Variants in EEF1AKMT1 observed in about 807,000 individuals in gnomAD.
EEF1AKMT1 encodes EEF1A lysine methyltransferase 1, also known as N-6 adenine-specific DNA methyltransferase 2 (putative).
Under a neutral mutation model 21.0 loss-of-function variants are expected in EEF1AKMT1, and 18 were observed. The ratio of observed to expected loss-of-function variants is 0.86; its 90% CI spans 0.59 to 1.27. The LOEUF (loss-of-function observed/expected upper bound fraction) is 1.27, where lower values mean the gene tolerates loss of function less well. Ranked by LOEUF, EEF1AKMT1 falls within the 50% of genes most tolerant of loss-of-function variation. The pLI is 0.00. For synonymous variants in EEF1AKMT1, 109 were observed against 94.8 expected (o/e 1.15, Z -0.87); for missense variants, 246 against 258.6 (o/e 0.95, Z 0.33).
intron 1 of EEF1AKMT1, among the ~76,000 whole-genome samples, chr13:20,764,780 C>A (rs1324146795): frequency 6.6e-6 from 1 of 151,628 alleles, no homozygotes; most frequent in Non-Finnish European, 1.5e-5. Flanking sequence ...CTAGTGACTT[C>A]TTTACTCTTA....
intron 1 of EEF1AKMT1, among the ~76,000 whole-genome samples, chr13:20,761,146 C>T (rs551234041): frequency 5.1e-4 from 77 of 152,174 alleles, no homozygotes; most frequent in Non-Finnish European, 9.4e-4. Flanking sequence ...AATGATATCA[C>T]GTGTAGATTC....
chr13:20,748,880 C>A (rs1297866641), intron 2 of EEF1AKMT1, among the ~76,000 whole-genome samples: 1 of 151,930 alleles, frequency 6.6e-6, no homozygotes, highest in Non-Finnish European at 1.5e-5. Context: ...CAGGCACGCG[C>A]CACCATACCT....
chr13:20,771,331 T>C (rs2059061917), intron 1 of EEF1AKMT1, among the ~76,000 whole-genome samples: 1 of 152,200 alleles, frequency 6.6e-6, no homozygotes, highest in Admixed American at 6.5e-5. Context: ...AGCAATTTAA[T>C]AAAATTGTCG....
rs750125960 is a variant in EEF1AKMT1 at position 20,731,844 on chromosome 13, T to A, written c.505A>T (p.Thr169Ser). ...YLTRGKILLC[T>S]GAIMEEQAAE... ...AGATATGAAATGCAGCACCTACCTG[T>A]GCACAGCAGAATCTTGCCCCGCGTC... Residue 169 changes from threonine to serine, a missense_variant, in exon 4 of 5, where the codon ACA becomes TCA. By Grantham distance (58) the Thr-to-Ser change is moderately conservative. Transcript: ENST00000382758. The A allele has an allele frequency of 6.2e-7, 1 of 1,612,854 alleles. No homozygotes were observed. Among genetic ancestry groups the A allele is most frequent in the Non-Finnish European group, 8.5e-7 (1 of 1,179,028 alleles).
intron 1 of EEF1AKMT1, among the ~76,000 whole-genome samples, chr13:20,764,594 G>A (rs1252693417): frequency 6.6e-6 from 1 of 152,074 alleles, no homozygotes; most frequent in Non-Finnish European, 1.5e-5. Context: ...TGCTGAGAGG[G>A]AATGGAAGTA....
intron 3 of EEF1AKMT1, among the ~76,000 whole-genome samples, chr13:20,734,137 A>G (rs1168699757): frequency 6.6e-6 from 1 of 152,216 alleles, no homozygotes; most frequent in Non-Finnish European, 1.5e-5. Flanking sequence ...GCAACCAAAG[A>G]TTATATATGC....
intron 3 of EEF1AKMT1, among the ~76,000 whole-genome samples, chr13:20,737,016 G>A (rs184796165): frequency 1.1e-3 from 165 of 151,932 alleles, no homozygotes; most frequent in Non-Finnish European, 1.6e-3. Flanking sequence ...TTTCAAGCAT[G>A]AGCCACCACG....
rs185626246 is a variant in EEF1AKMT1 at position 20,735,694 on chromosome 13, C to T, written c.227+2029G>A. Among the ~76,000 whole-genome samples the T allele has an allele frequency of 3.2e-3, 484 of 152,228 alleles. 3 individuals carry two copies. Among genetic ancestry groups the T allele is most frequent in the Non-Finnish European group, 5.7e-3 (391 of 68,026 alleles). On this transcript the variant is annotated intron_variant, in intron 3 of 4. Transcript: ENST00000382758. ...TGCCCCACCCTTCAATGTCCACAGA[C>T]ATTTAAGGAACATAGATTAGATAAA...
At chr13:20,741,326 G>T (rs1303387462) in intron 2 of EEF1AKMT1, among the ~76,000 whole-genome samples, 1 of 151,938 alleles carries the variant, frequency 6.6e-6, no homozygotes, top group East Asian at 1.9e-4. Flanking sequence ...AGTTCCCAGA[G>T]AGGCTGGTAG....
intron 4 of EEF1AKMT1, among the ~76,000 whole-genome samples, chr13:20,730,243 G>C (rs901269758): frequency 1.3e-5 from 2 of 152,254 alleles, no homozygotes; most frequent in Admixed American, 6.5e-5. Flanking sequence ...GAGAGCTCAA[G>C]GAAGCAACGG....
chr13:20,766,548 G>A (rs2059033935), intron 1 of EEF1AKMT1, among the ~76,000 whole-genome samples: 1 of 152,100 alleles, frequency 6.6e-6, no homozygotes, highest in South Asian at 2.1e-4. Context: ...ATGGCTGGGT[G>A]CGGTGGCTCA....
intron 2 of EEF1AKMT1, chr13:20,747,462 C>CT (rs60730051): frequency 0.049 from 4,319 of 87,476 alleles, 645 homozygotes; most frequent in African/African-American, 0.16. Flanking sequence ...TAGGCACATT[C>CT]TTTTTTTTTT....
intron 4 of EEF1AKMT1, among the ~76,000 whole-genome samples, chr13:20,731,359 G>A (rs2058794671): frequency 6.6e-6 from 1 of 152,182 alleles, no homozygotes; most frequent in Non-Finnish European, 1.5e-5. Flanking sequence ...CCAGCTACTT[G>A]GGAGGCTGAG....
chr13:20,731,018 C>G (rs1474718669), intron 4 of EEF1AKMT1, among the ~76,000 whole-genome samples: 1 of 152,198 alleles, frequency 6.6e-6, no homozygotes, highest in Non-Finnish European at 1.5e-5. Context: ...GAAGAAAAAA[C>G]AATTCCGGAG....
chr13:20,742,436 T>G (rs1194227949), intron 2 of EEF1AKMT1, among the ~76,000 whole-genome samples: 4 of 152,128 alleles, frequency 2.6e-5, no homozygotes, highest in African/African-American at 9.7e-5. Flanking sequence ...TAACAGAAAC[T>G]ATTTCAAAGA....
chr13:20,767,911 T>C (rs967444787), intron 1 of EEF1AKMT1, among the ~76,000 whole-genome samples: 1 of 152,230 alleles, frequency 6.6e-6, no homozygotes. Context: ...CTATGTCTAA[T>C]CTATTAATCC....
At chr13:20,750,895 A>T (rs535780986) in intron 2 of EEF1AKMT1, among the ~76,000 whole-genome samples, 10 of 152,306 alleles carry the variant, frequency 6.6e-5, no homozygotes, top group African/African-American at 2.2e-4. Flanking sequence ...ATAACATTAC[A>T]TCTCACTGTG....
chr13:20,733,493 G>A (rs923026582), intron 3 of EEF1AKMT1, among the ~76,000 whole-genome samples: 5 of 152,190 alleles, frequency 3.3e-5, no homozygotes, highest in Admixed American at 6.5e-5. Context: ...TAAAGGAGGC[G>A]TGAGCCACTG....
At chr13:20,737,666 A>G (rs2058833815) in intron 3 of EEF1AKMT1, 57 bp downstream of exon 3, 3 of 1,385,578 alleles carry the variant, frequency 2.2e-6, no homozygotes, top group South Asian at 2.4e-5. Flanking sequence ...TCTGTCATCC[A>G]GGAAAGACAT....
Sources: gnomAD v4.1 joint callset for allele counts (sites outside exome capture counted in the v4.1 genomes callset) on GRCh38, gnomAD v4.1.1 for gene constraint, MANE v1.5 for transcripts, NCBI Gene and HGNC (gene_info 2026-07-23, HGNC 2026-07-21) for gene names.